The following KAZN variants were observed in gnomAD, a reference collection of about 807,000 sequenced individuals.
The protein encoded by KAZN is kazrin.
Under a neutral mutation model 87.4 loss-of-function variants are expected in KAZN, and 40 were observed. The observed-to-expected ratio is 0.46, with a 90% CI of 0.36 to 0.60. KAZN has a LOEUF of 0.60. KAZN is among the 20% of genes least tolerant of loss of function. KAZN has a pLI of 0.00. For missense variants in KAZN, 898 were observed against 1,073.9 expected (o/e 0.84, Z 2.29); for synonymous variants, 466 against 458.3 (o/e 1.02, Z -0.22).
At chr1:14,386,700 C>T (rs1661928338) in intron 2 of KAZN, among the ~76,000 whole-genome samples, 2 of 152,248 alleles carry the variant, frequency 1.3e-5, no homozygotes, top group East Asian at 1.9e-4. Flanking sequence ...GTCTGATGGG[C>T]TTCCCTTTGA....
intron 1 of KAZN, among the ~76,000 whole-genome samples, chr1:13,913,861 G>T (rs1007322706): frequency 1.3e-5 from 2 of 152,206 alleles, no homozygotes; most frequent in East Asian, 1.9e-4. Context: ...GATCACCAGA[G>T]TTCCTGCTTC....
chr1:14,816,275 G>A (rs1054985220), intron 1 of KAZN, among the ~76,000 whole-genome samples: 5 of 152,102 alleles, frequency 3.3e-5, no homozygotes, highest in African/African-American at 9.7e-5. Flanking sequence ...AGGAGTCCAG[G>A]AATGCTTAAA....
intron 1 of KAZN, among the ~76,000 whole-genome samples, chr1:14,679,487 G>T (rs1215672628): frequency 6.6e-6 from 1 of 152,136 alleles, no homozygotes; most frequent in East Asian, 1.9e-4. Flanking sequence ...GGGGCTGTGG[G>T]TTCCGGATTG....
At chr1:14,047,862 G>A (rs145243843) in intron 1 of KAZN, among the ~76,000 whole-genome samples, 3 of 141,932 alleles carry the variant, frequency 2.1e-5, no homozygotes, top group Non-Finnish European at 3.1e-5. Flanking sequence ...AGTGAGACTC[G>A]GGAAAAAGAA....
chr1:13,987,875 T>C (rs10927981), intron 1 of KAZN, among the ~76,000 whole-genome samples: 18,278 of 152,270 alleles, frequency 0.12, 1,242 homozygotes, highest in South Asian at 0.24. Flanking sequence ...GATTAATTTT[T>C]TTACAGTACT....
At chr1:14,006,812 T>A (rs1640056658) in intron 1 of KAZN, among the ~76,000 whole-genome samples, 1 of 152,100 alleles carries the variant, frequency 6.6e-6, no homozygotes, top group Non-Finnish European at 1.5e-5. Context: ...TATTTGGGTA[T>A]TTTTTTTCTG....
At chr1:14,531,916 G>A (rs904040638) in intron 2 of KAZN, among the ~76,000 whole-genome samples, 3 of 152,078 alleles carry the variant, frequency 2.0e-5, no homozygotes, top group South Asian at 2.1e-4. Context: ...GAGCCTCCCC[G>A]CGGGAGAGAG....
Position 15,056,249 on chromosome 1 carries a change from C to A in KAZN, c.885C>A (p.His295Gln), listed in dbSNP as rs772477850. Residue 295 changes from histidine (H) to glutamine (Q), a missense_variant, in exon 5 of 15, where the codon CAC (histidine) becomes CAA (glutamine). Physicochemically the swap from His to Gln is conservative, Grantham distance 24 (BLOSUM62 0). Around this residue, in one of 3 missense-constraint regions of KAZN, gnomAD observed 521 missense variants for 689.4 expected, o/e 0.76. Coordinates refer to ENST00000376030, the MANE Select transcript of KAZN (RefSeq NM_201628.3). The surrounding 1 kb of genome is among the most constrained non-coding windows in gnomAD (Gnocchi z 5.4). ...GGCAGAGTCAACAGACTCTCTACCA[C>A]TCACACCCCCCTCACCCTGCGGACC... is the stretch of plus-strand genomic sequence containing the variant. ...AIRQSQQTLY[H>Q]SHPPHPADRQ... The A allele has an allele frequency of 5.6e-6, 9 of 1,611,916 alleles. No individual in the cohort carries two copies. The South Asian group carries it at 9.9e-5, about 18-fold the overall frequency.
At chr1:13,981,403 C>T (rs980428468) in intron 1 of KAZN, among the ~76,000 whole-genome samples, 2 of 150,670 alleles carry the variant, frequency 1.3e-5, no homozygotes, top group Non-Finnish European at 3.0e-5. Flanking sequence ...AGTGAGCTGG[C>T]CTTAGAAGTT....
chr1:14,802,233 G>A (rs1046390785), intron 1 of KAZN, among the ~76,000 whole-genome samples: 5 of 151,886 alleles, frequency 3.3e-5, no homozygotes, highest in Admixed American at 6.6e-5. Context: ...TGACAAAACC[G>A]TCTCTACTCA....
chr1:14,411,566 C>G lies in KAZN; in HGVS notation c.250-187417C>G, dbSNP rs974878547. Among the ~76,000 whole-genome samples the G allele has an allele frequency of 2.0e-5, 3 of 152,360 alleles. No homozygotes were observed. The South Asian group carries it at 6.2e-4, about 32-fold the overall frequency. The stretch of plus-strand genomic sequence containing the variant: ...CTGCCTGCCTTGGCCTCCCAAAGTG[C>G]TGGGATTACAGGCGTGAGCCACCGC... On this transcript the variant is annotated intron_variant, in intron 2 of 16. Transcript: ENST00000636203.
intron 1 of KAZN, among the ~76,000 whole-genome samples, chr1:14,819,589 A>G (rs2100819149): frequency 6.6e-6 from 1 of 151,952 alleles, no homozygotes; most frequent in Non-Finnish European, 1.5e-5. Flanking sequence ...AAAGTGCCCT[A>G]CAGATTTCAC....
At position 14,145,011 on chromosome 1, in the gene KAZN, G is replaced by A. The variant is rs555974044; in HGVS notation, c.92-35424G>A. Among the ~76,000 whole-genome samples, 38 of 152,210 alleles carry A rather than the reference G, an allele frequency of 2.5e-4. 1 individual carries two copies. The highest frequency in any genetic ancestry group is 9.2e-4 in the African/African-American group (38 of 41,530). On this transcript the variant is annotated intron_variant, in intron 1 of 16. Transcript: ENST00000636203. ...GGGAACAAATATCCAAACCATAGAC[G>A]TTACCTTCATGCAATGTCTTTATTT...
chr1:14,623,854 G>A (rs888936814), intron 1 of KAZN, among the ~76,000 whole-genome samples: 3 of 151,588 alleles, frequency 2.0e-5, no homozygotes, highest in African/African-American at 7.3e-5. Flanking sequence ...AGATAATTCT[G>A]TCTGTTATTG....
intron 1 of KAZN, among the ~76,000 whole-genome samples, chr1:13,905,856 CA>C (rs1224798402): frequency 6.6e-6 from 1 of 152,156 alleles, no homozygotes. Context: ...CTTAAAACGA[CA>C]GAAACATATT....
At position 14,554,535 on chromosome 1, in the gene KAZN, G is replaced by A. The variant is rs184775510; in HGVS notation, c.250-44448G>A. ...GGCAGGATAACCTGACCCTACATAC[G>A]CGTCCCCTTTGAAACTTTCAACAGA... is the stretch of plus-strand genomic sequence containing the variant. On this transcript the variant is annotated intron_variant, in intron 2 of 16. Coordinates refer to the KAZN transcript ENST00000636203. 1.8e-4 allele frequency among the ~76,000 whole-genome samples: 28 copies of A among 152,176 alleles called. No individual in the cohort carries two copies. In the East Asian group the frequency reaches 2.9e-3, roughly 16 times the overall value.
chr1:14,485,889 T>C (rs1418008036), intron 2 of KAZN, among the ~76,000 whole-genome samples: 2 of 130,254 alleles, frequency 1.5e-5, no homozygotes, highest in Admixed American at 8.0e-5. Context: ...CGAGACTCCA[T>C]CTCAAAAAAA....
intron 1 of KAZN, among the ~76,000 whole-genome samples, chr1:14,876,182 A>C (rs1652748959): frequency 6.6e-6 from 1 of 152,220 alleles, no homozygotes; most frequent in South Asian, 2.1e-4. Context: ...AGATGAGGTG[A>C]TGGCTTTATG....
intron 2 of KAZN, among the ~76,000 whole-genome samples, chr1:14,453,690 G>T (rs1475626953): frequency 6.6e-6 from 1 of 152,136 alleles, no homozygotes; most frequent in Admixed American, 6.5e-5. Context: ...ACAAAAATTA[G>T]CCAGGTGTGG....
Sources: allele counts gnomAD v4.1 joint callset (sites outside exome capture counted in the v4.1 genomes callset), GRCh38; gene constraint gnomAD v4.1.1; regional missense constraint gnomAD v4.1.1; non-coding constraint Gnocchi (gnomAD v3.1); transcripts MANE v1.5; gene names NCBI Gene and HGNC (gene_info 2026-07-23, HGNC 2026-07-21).